BICD1: variants seen among roughly 807,000 people sequenced by gnomAD.
BICD1 encodes protein bicaudal D homolog 1.
In BICD1, 35 loss-of-function variants were observed where a neutral mutation model predicts 92.5. The observed-to-expected ratio is 0.38, with a 90% confidence interval of 0.29 to 0.50. BICD1 has a LOEUF of 0.50. Among genes scored for constraint, BICD1 ranks in the 20% least tolerant of loss-of-function variants. BICD1 has a pLI of 0.93. For missense variants in BICD1, 950 were observed against 1,189.8 expected, an observed-to-expected ratio of 0.80 and a Z score of 2.97; for synonymous variants, 429 against 465.1, an observed-to-expected ratio of 0.92 and a Z score of 1.00.
In BICD1 at chr12:32,337,556, G is replaced by T. The variant is rs2136280432; in HGVS notation, c.2310G>T (p.Glu770Asp). ...DEMQRQLAAA[E>D]DEKKTLNTLL... is the part of the protein sequence containing the mutation. ...TGCAGAGACAGTTAGCAGCTGCAGA[G>T]GATGAGAAGAAGACTCTGAACACTT... The change falls in exon 7 of 10, where the codon GAG becomes GAT. Residue 770 changes from glutamate (E) to aspartate (D), a missense_variant. By Grantham distance (45) the Glu-to-Asp change is conservative (BLOSUM62 2). Coordinates refer to ENST00000652176, the MANE Select transcript of BICD1 (RefSeq NM_001714.4). The surrounding 1 kb of genome is among the most constrained non-coding windows in gnomAD (Gnocchi z 4.7). The T allele has an allele frequency of 6.2e-7, 1 of 1,614,156 alleles. No homozygotes were observed. The highest frequency in any genetic ancestry group is 1.1e-5 in the South Asian group (1 of 91,084).
At chr12:32,194,410 T>C (rs1169605635) in intron 1 of BICD1, among the ~76,000 whole-genome samples, 4 of 152,196 alleles carry the variant, frequency 2.6e-5, no homozygotes, top group Admixed American at 2.6e-4. Flanking sequence ...CTAAATAGTC[T>C]CTGTTTGCAG....
At chr12:32,164,094 C>T (rs1259244192) in intron 1 of BICD1, among the ~76,000 whole-genome samples, 1 of 152,118 alleles carries the variant, frequency 6.6e-6, no homozygotes, top group African/African-American at 2.4e-5. Context: ...CCCTTCTTCT[C>T]TTAGTGAAAC....
intron 1 of BICD1, among the ~76,000 whole-genome samples, chr12:32,215,858 G>A (rs959580112): frequency 2.2e-4 from 33 of 149,992 alleles, no homozygotes; most frequent in Admixed American, 4.0e-4. Context: ...GGAGGCTGAG[G>A]CAGGAGAATG....
intron 2 of BICD1, among the ~76,000 whole-genome samples, chr12:32,233,105 T>G (rs2121589322): frequency 1.3e-5 from 2 of 152,210 alleles, no homozygotes; most frequent in South Asian, 4.2e-4. Context: ...GCATATCACT[T>G]GAGGTCAAGA....
chr12:32,191,982 A>G, intron 1 of BICD1, among the ~76,000 whole-genome samples: 1 of 152,148 alleles, frequency 6.6e-6, no homozygotes, highest in Admixed American at 6.6e-5. Context: ...GAAGAGTTAC[A>G]CATCTCTCAC....
In BICD1 at chr12:32,327,922, G is replaced by T; in HGVS notation, c.1467G>T (p.Lys489Asn). The T allele has an allele frequency of 1.2e-6, 2 of 1,614,152 alleles. No homozygotes were observed. Among genetic ancestry groups the T allele is most frequent in the Non-Finnish European group, 1.7e-6 (2 of 1,180,034 alleles). ...KMAHMEKELQ[K>N]MTSIANENHS... ...CCCACATGGAGAAGGAGTTGCAAAA[G>T]ATGACCAGCATAGCCAACGAAAATC... The change falls in exon 5 of 10, where the codon AAG (lysine) becomes AAT (asparagine). Residue 489 changes from lysine (K) to asparagine (N), a missense_variant. Lys to Asn is a moderately conservative substitution (Grantham distance 94). This residue lies in a region of BICD1 where 309 missense variants were observed against 499.4 expected (regional missense o/e 0.62). Coordinates refer to ENST00000652176, the MANE Select transcript of BICD1 (RefSeq NM_001714.4).
chr12:32,264,543 A>G, intron 2 of BICD1, among the ~76,000 whole-genome samples: 1 of 152,160 alleles, frequency 6.6e-6, no homozygotes, highest in South Asian at 2.1e-4. Flanking sequence ...GCTGGAGTGC[A>G]GTGGCATGAT....
chr12:32,166,922 T>A (rs1943787951), intron 1 of BICD1, among the ~76,000 whole-genome samples: 1 of 152,214 alleles, frequency 6.6e-6, no homozygotes, highest in Admixed American at 6.5e-5. Context: ...TGCCTGACAA[T>A]CTTTAGATGC....
At chr12:32,198,003 C>T (rs1354695390) in intron 1 of BICD1, among the ~76,000 whole-genome samples, 3 of 151,718 alleles carry the variant, frequency 2.0e-5, no homozygotes, top group South Asian at 2.1e-4. Context: ...GTGGGGAGTT[C>T]GAGACCAGCC....
intron 2 of BICD1, among the ~76,000 whole-genome samples, chr12:32,256,399 C>T (rs146057572): frequency 1.3e-5 from 2 of 152,224 alleles, no homozygotes; most frequent in African/African-American, 4.8e-5. Context: ...CTCTGATATA[C>T]ATATGATTAT....
chr12:32,307,055 A>C (rs1948249871), intron 4 of BICD1, among the ~76,000 whole-genome samples: 1 of 152,136 alleles, frequency 6.6e-6, no homozygotes, highest in Non-Finnish European at 1.5e-5. Context: ...ACAGAGCCTT[A>C]ATGCATTTCT....
At position 32,245,089 on chromosome 12, in the gene BICD1, T is replaced by C. The variant is rs780412577; in HGVS notation, c.426+28630T>C. On this transcript the variant is annotated intron_variant, in intron 2 of 9. Transcript: ENST00000652176. ...TGTAATCTTTCCAAGCCTCAGTTTT[T>C]TCATCTGTATAATAGGGATAAAAAT... Among the ~76,000 whole-genome samples, 184 of 152,306 alleles carry C rather than the reference T, an allele frequency of 1.2e-3. 1 individual carries two copies. Among genetic ancestry groups the C allele is most frequent in the Admixed American group, 1.9e-3 (29 of 15,294 alleles).
chr12:32,229,070 CA>C (rs1426858788), intron 2 of BICD1, among the ~76,000 whole-genome samples: 1 of 151,928 alleles, frequency 6.6e-6, no homozygotes, highest in Non-Finnish European at 1.5e-5. Context: ...GCTAACATGA[CA>C]AAACCCCATC....
intron 2 of BICD1, among the ~76,000 whole-genome samples, chr12:32,275,761 ATTGCCACTCCCGATTGTGCTAAAAGC>A (rs1947257783): frequency 6.6e-6 from 1 of 152,020 alleles, no homozygotes; most frequent in African/African-American, 2.4e-5. Context: ...CGAGACTCCC[ATTGCCACTCCCGATTGTGCTAAAAGC>A]TTGCCATTGT....
intron 1 of BICD1, among the ~76,000 whole-genome samples, chr12:32,113,662 G>T (rs1941781402): frequency 6.6e-6 from 1 of 150,820 alleles, no homozygotes; most frequent in South Asian, 2.1e-4. Flanking sequence ...TCCTGCCTCA[G>T]CCTCCCAAGT....
intron 2 of BICD1, among the ~76,000 whole-genome samples, chr12:32,235,875 G>C (rs900013457): frequency 6.6e-6 from 1 of 151,034 alleles, no homozygotes; most frequent in Non-Finnish European, 1.5e-5. Flanking sequence ...TAATTTTTTT[G>C]TATTTTTAGT....
intron 1 of BICD1, among the ~76,000 whole-genome samples, chr12:32,143,027 T>C (rs1248520504): frequency 6.6e-6 from 1 of 152,212 alleles, no homozygotes; most frequent in Non-Finnish European, 1.5e-5. Context: ...ATAGCACTTA[T>C]TACCTCCTGA....
At chr12:32,372,661 T>C (rs1243170267) in intron 9 of BICD1, among the ~76,000 whole-genome samples, 1 of 152,134 alleles carries the variant, frequency 6.6e-6, no homozygotes, top group Non-Finnish European at 1.5e-5. Context: ...GGAAGATTGC[T>C]TGAGCCCAGG....
Position 32,216,302 on chromosome 12 carries a change from G to A in BICD1, c.269G>A (p.Arg90Gln), listed in dbSNP as rs749951513. The A allele has an allele frequency of 6.2e-7, 1 of 1,614,092 alleles. No homozygotes were observed. Among genetic ancestry groups the A allele is most frequent in the East Asian group, 2.2e-5 (1 of 44,888 alleles). ...HRKVAEDGET[R>Q]EETLLQESAS... ...AAGGTTGCTGAAGATGGAGAGACTCGGGAGGAAACGCTTCTGCAGGAGTCA... is the reference window on the plus strand; with the variant it reads ...AAGGTTGCTGAAGATGGAGAGACTCAGGAGGAAACGCTTCTGCAGGAGTCA... The change falls in exon 2 of 10, where the codon CGG becomes CAG. Residue 90 changes from arginine (R) to glutamine (Q), a missense_variant. By Grantham distance (43) the Arg-to-Gln change is conservative (BLOSUM62 1). This residue lies in a region of BICD1 where 202 missense variants were observed against 205.3 expected (regional missense o/e 0.98). Transcript: ENST00000652176.
Sources: allele counts gnomAD v4.1 joint callset (sites outside exome capture counted in the v4.1 genomes callset), GRCh38; gene constraint gnomAD v4.1.1; regional missense constraint gnomAD v4.1.1; non-coding constraint Gnocchi (gnomAD v3.1); transcripts MANE v1.5; gene names NCBI Gene and HGNC (gene_info 2026-07-23, HGNC 2026-07-21).